RALY: variants seen among roughly 807,000 people sequenced by gnomAD.
RALY encodes RNA-binding protein Raly.
A neutral mutation model predicts 30.7 loss-of-function variants in RALY; 15 were observed. The observed-to-expected ratio is 0.49, with a 90% CI of 0.33 to 0.75. RALY has a LOEUF of 0.75. RALY is among the 30% of genes least tolerant of loss of function. The pLI, the probability that RALY is intolerant of heterozygous loss-of-function variation, is 0.02. For synonymous variants in RALY, 177 were observed against 170.8 expected, an observed-to-expected ratio of 1.04 and a Z score of -0.28; for missense variants, 339 against 414.3, an observed-to-expected ratio of 0.82 and a Z score of 1.58.
chr20:34,077,166 C>G lies in RALY; in HGVS notation c.797C>G (p.Ala266Gly). 1.2e-6 allele frequency: 2 copies of G among 1,613,622 alleles called. No individual in the cohort carries two copies. The highest frequency in any genetic ancestry group is 1.7e-6 in the Non-Finnish European group (2 of 1,179,954). The stretch of plus-strand genomic sequence containing the variant: ...CCCCAAGAGAACACAACTTCTGAGG[C>G]AGGCCTGCCCCAGGGGGAAGCACGG... ...PAPQENTTSE[A>G]GLPQGEARTR... The change falls in exon 8 of 10, where the codon GCA becomes GGA. Residue 266 changes from alanine (A) to glycine (G), a missense_variant. Physicochemically the swap from Ala to Gly is moderately conservative, Grantham distance 60. Transcript: ENST00000246194.
In RALY at chr20:34,080,782, C is replaced by G. The variant is rs2034017759; in HGVS notation, c.*877C>G. 6.6e-6 allele frequency: 1 copy of G among 152,384 alleles called. No homozygotes were observed. Among genetic ancestry groups the G allele is most frequent in the Non-Finnish European group, 1.5e-5 (1 of 68,122 alleles). The allele number at this position is 152,384 out of a possible 1,614,324, so 9.4% of individuals were successfully genotyped here. A position where few individuals can be genotyped will look rare whatever the true frequency, so the allele number is the denominator to read the frequency against. The stretch of plus-strand genomic sequence containing the variant: ...ACCTCCTGAATGTAGGGTGTAAGAT[C>G]CTGCTTACTCCAGCCTCTCCTGTTT... On this transcript the variant is annotated 3_prime_UTR_variant, in exon 10 of 10. Coordinates refer to ENST00000246194, the MANE Select transcript of RALY (RefSeq NM_016732.3).
intron 2 of RALY, among the ~76,000 whole-genome samples, chr20:34,067,627 C>A (rs759872836): frequency 1.3e-5 from 2 of 152,178 alleles, no homozygotes; most frequent in South Asian, 2.1e-4. Context: ...TCTACTCTTA[C>A]TAGCCTGGAG....
intron 2 of RALY, among the ~76,000 whole-genome samples, chr20:34,038,106 G>T (rs2032568522): frequency 6.6e-6 from 1 of 152,162 alleles, no homozygotes; most frequent in Non-Finnish European, 1.5e-5. Flanking sequence ...TGCATGCAAA[G>T]GGCTCTGGGC....
intron 1 of RALY, among the ~76,000 whole-genome samples, chr20:34,020,266 C>T (rs1373189721): frequency 6.6e-6 from 1 of 152,166 alleles, no homozygotes; most frequent in African/African-American, 2.4e-5. Context: ...AGGATTAACT[C>T]CCATGGGGGT....
chr20:34,029,544 GAAAAA>G (rs11167224), intron 1 of RALY, among the ~76,000 whole-genome samples: 8 of 134,982 alleles, frequency 5.9e-5, no homozygotes, highest in African/African-American at 2.3e-4. Context: ...TAGAGGGGGA[GAAAAA>G]AAAAACCCAC....
chr20:34,020,758 A>T (rs896420504), intron 1 of RALY, among the ~76,000 whole-genome samples: 1 of 152,228 alleles, frequency 6.6e-6, no homozygotes, highest in Non-Finnish European at 1.5e-5. Context: ...CTGATCCTAT[A>T]CAGAAAAAGT....
At chr20:34,044,513 TTTC>T (rs1327211005) in intron 2 of RALY, among the ~76,000 whole-genome samples, 1 of 151,500 alleles carries the variant, frequency 6.6e-6, no homozygotes, top group Non-Finnish European at 1.5e-5. Context: ...AGAGGCGGAG[TTTC>T]TCCATGTTGG....
At chr20:34,065,212 A>T (rs1299292114) in intron 2 of RALY, 1 of 152,242 alleles carries the variant, frequency 6.6e-6, no homozygotes, top group East Asian at 1.9e-4. Context: ...CATAATCCAT[A>T]TTCTTTGATA....
At chr20:34,023,676 T>C (rs760754393) in intron 1 of RALY, among the ~76,000 whole-genome samples, 2 of 152,036 alleles carry the variant, frequency 1.3e-5, no homozygotes, top group Admixed American at 6.6e-5. Context: ...TTGTGCACTC[T>C]AGAAAGTGAA....
At chr20:34,006,601 A>G (rs1359661805) in intron 1 of RALY, among the ~76,000 whole-genome samples, 2 of 152,162 alleles carry the variant, frequency 1.3e-5, no homozygotes, top group Non-Finnish European at 1.5e-5. Context: ...GGCCACAGAT[A>G]TGACAGTGGT....
intron 2 of RALY, among the ~76,000 whole-genome samples, chr20:34,037,553 A>G (rs930062101): frequency 6.6e-6 from 1 of 152,172 alleles, no homozygotes; most frequent in African/African-American, 2.4e-5. Flanking sequence ...TAACATTGAG[A>G]TAGGAGGGGC....
chr20:33,997,239 C>T lies in RALY; in HGVS notation c.-93+3108C>T, dbSNP rs545435511. Among the ~76,000 whole-genome samples, 17 of 152,272 alleles carry T rather than the reference C, an allele frequency of 1.1e-4. No individual in the cohort carries two copies. The South Asian group carries it at 3.1e-3, about 28-fold the overall frequency. ...CAAGGGATCTCTTGCCTCAGCCTCCCGAGTAGCTGGGACTACAGGCATGCA... is the reference window on the plus strand; with the variant it reads ...CAAGGGATCTCTTGCCTCAGCCTCCTGAGTAGCTGGGACTACAGGCATGCA... On this transcript the variant is annotated intron_variant, in intron 1 of 9. Coordinates refer to ENST00000246194, the MANE Select transcript of RALY (RefSeq NM_016732.3).
intron 2 of RALY, among the ~76,000 whole-genome samples, chr20:34,050,039 G>A (rs781558260): frequency 2.6e-5 from 4 of 152,122 alleles, no homozygotes; most frequent in Admixed American, 1.3e-4. Flanking sequence ...GATCATGTGC[G>A]CCCGTGCTCC....
chr20:34,034,581 C>G (rs1293506489), intron 2 of RALY, among the ~76,000 whole-genome samples: 2 of 152,184 alleles, frequency 1.3e-5, no homozygotes, highest in African/African-American at 4.8e-5. Context: ...ATATGATAAG[C>G]TACCCATATA....
chr20:34,053,775 C>T (rs2033156080), intron 2 of RALY, among the ~76,000 whole-genome samples: 1 of 152,172 alleles, frequency 6.6e-6, no homozygotes, highest in Non-Finnish European at 1.5e-5. Flanking sequence ...GCCCAGTATT[C>T]TTTCCATTAA....
intron 1 of RALY, among the ~76,000 whole-genome samples, chr20:34,022,978 G>A (rs757021162): frequency 6.6e-6 from 1 of 152,084 alleles, no homozygotes; most frequent in African/African-American, 2.4e-5. Flanking sequence ...GAGAGTAGTC[G>A]TATCTGTTTT....
intron 2 of RALY, among the ~76,000 whole-genome samples, chr20:34,032,827 T>C (rs2032336565): frequency 6.6e-6 from 1 of 152,124 alleles, no homozygotes; most frequent in African/African-American, 2.4e-5. Context: ...TTAATCTCCC[T>C]CTCTAATTCT....
chr20:34,056,775 A>G (rs995604948), intron 2 of RALY, among the ~76,000 whole-genome samples: 1 of 152,210 alleles, frequency 6.6e-6, no homozygotes, highest in Non-Finnish European at 1.5e-5. Context: ...CAATATGGTA[A>G]TACATGGTGC....
At chr20:34,054,912 T>C (rs554502320) in intron 2 of RALY, among the ~76,000 whole-genome samples, 1 of 152,294 alleles carries the variant, frequency 6.6e-6, no homozygotes, top group South Asian at 2.1e-4. Flanking sequence ...TTGAGTATGA[T>C]ATTTTGAGCT....
Sources: allele counts gnomAD v4.1 joint callset (sites outside exome capture counted in the v4.1 genomes callset), GRCh38; gene constraint gnomAD v4.1.1; transcripts MANE v1.5; gene names NCBI Gene and HGNC (gene_info 2026-07-23, HGNC 2026-07-21).